The following RASAL2 variants were observed in gnomAD, a reference collection of about 807,000 sequenced individuals.
RASAL2 encodes the protein RAS protein activator like 2.
RASAL2 carries 58 observed loss-of-function variants against 128.9 expected under a neutral mutation model. The observed-to-expected ratio is 0.45, with a 90% CI of 0.36 to 0.56. RASAL2 has a LOEUF of 0.56. Ranked by LOEUF, RASAL2 falls within the 20% of genes least tolerant of loss-of-function variation. The pLI, the probability that RASAL2 is intolerant of heterozygous loss-of-function variation, is 0.00. For synonymous variants in RASAL2, 561 were observed against 580.8 expected (o/e 0.97, Z 0.49); for missense variants, 1,360 against 1,601.6 (o/e 0.85, Z 2.57).
At chr1:178,132,775 T>C (rs1660167482) in intron 1 of RASAL2, among the ~76,000 whole-genome samples, 1 of 150,708 alleles carries the variant, frequency 6.6e-6, no homozygotes, top group East Asian at 1.9e-4. Flanking sequence ...AATTTTTTTT[T>C]TTTTTTTTTT....
chr1:178,354,816 A>G (rs1301269865), intron 3 of RASAL2, among the ~76,000 whole-genome samples: 12 of 152,250 alleles, frequency 7.9e-5, no homozygotes, highest in Admixed American at 7.8e-4. Context: ...AGAATAATCT[A>G]AAGTAGATAT....
chr1:178,116,711 G>A (rs113325505), intron 1 of RASAL2, among the ~76,000 whole-genome samples: 1 of 152,094 alleles, frequency 6.6e-6, no homozygotes, highest in Non-Finnish European at 1.5e-5. Context: ...CTGCGTTCAC[G>A]CCATTCTCCT....
Position 178,110,599 on chromosome 1 carries a change from C to T in RASAL2, c.202+15905C>T, listed in dbSNP as rs1234154157. Among the ~76,000 whole-genome samples, 6 of 141,160 alleles carry T rather than the reference C, an allele frequency of 4.3e-5. No individual in the cohort carries two copies. In the South Asian group the frequency reaches 1.1e-3, roughly 26 times the overall value. The allele number at this position is 141,160 out of a possible 152,430, so 92.6% of individuals were successfully genotyped here. A position where few individuals can be genotyped will look rare whatever the true frequency, so the allele number is the denominator to read the frequency against. ...ATGTAGTATATATATGCTATATATA[C>T]TGTATATATACACTATATACACTAT... On this transcript the variant is annotated intron_variant, in intron 1 of 17. Coordinates refer to ENST00000367649, the MANE Select transcript of RASAL2 (RefSeq NM_170692.4).
At position 178,337,237 on chromosome 1, in the gene RASAL2, T is replaced by C. The variant is rs76484260; in HGVS notation, c.457+37119T>C. ...ACACTTGTAAGTACTTTGCTAACCATATGAATTAACAAGTCTTCTGATCTT... is the reference window on the plus strand; with the variant it reads ...ACACTTGTAAGTACTTTGCTAACCACATGAATTAACAAGTCTTCTGATCTT... On this transcript the variant is annotated intron_variant, in intron 3 of 17. Transcript: ENST00000367649. Among the ~76,000 whole-genome samples the C allele has an allele frequency of 1.3e-3, 201 of 152,346 alleles. 1 individual carries two copies. The highest frequency in any genetic ancestry group is 2.3e-3 in the South Asian group (11 of 4,832).
intron 4 of RASAL2, among the ~76,000 whole-genome samples, chr1:178,418,824 G>A (rs544532462): frequency 6.6e-6 from 1 of 152,270 alleles, no homozygotes; most frequent in African/African-American, 2.4e-5. Flanking sequence ...GACCAGAAGT[G>A]ATATGAAGCT....
chr1:178,389,996 A>T, intron 3 of RASAL2, 104 bp from the exon 4 acceptor site: 1 of 719,896 alleles, frequency 1.4e-6, no homozygotes, highest in Non-Finnish European at 2.4e-6. Flanking sequence ...ATATACCTTT[A>T]AAGCATGCTG....
At chr1:178,208,061 T>A (rs1663118382) in intron 1 of RASAL2, among the ~76,000 whole-genome samples, 1 of 152,244 alleles carries the variant, frequency 6.6e-6, no homozygotes, top group Admixed American at 6.5e-5. Flanking sequence ...CTTCATAAGC[T>A]GAGGATGTAC....
chr1:178,252,090 A>G (rs519464), intron 1 of RASAL2, among the ~76,000 whole-genome samples: 91,156 of 151,954 alleles, frequency 0.6, 31,419 homozygotes, highest in East Asian at 0.8. Context: ...CTGAAAATTT[A>G]TGTGGGGGTG....
At chr1:178,441,714 T>C (rs1403549975) in intron 7 of RASAL2, 67 bp downstream of exon 7, 6 of 1,252,040 alleles carry the variant, frequency 4.8e-6, no homozygotes, top group Non-Finnish European at 6.9e-6. Flanking sequence ...AGAAGGTAAG[T>C]GTGGTAGTAA....
chr1:178,233,832 A>G (rs527501585), intron 1 of RASAL2, among the ~76,000 whole-genome samples: 3 of 152,210 alleles, frequency 2.0e-5, no homozygotes, highest in Non-Finnish European at 4.4e-5. Flanking sequence ...TGGCTTCTCC[A>G]GGATGCTGAA....
In RASAL2 at chr1:178,474,548, A is replaced by G. The variant is rs1648539994; in HGVS notation, c.*1309A>G. ...GACCCAATTTCAACACTTGTCATCCATAGCCTTATTATTATAGAACAGAAA... is the reference window on the plus strand; with the variant it reads ...GACCCAATTTCAACACTTGTCATCCGTAGCCTTATTATTATAGAACAGAAA... On this transcript the variant is annotated 3_prime_UTR_variant, in exon 18 of 18. Transcript: ENST00000367649. The G allele has an allele frequency of 6.6e-6, 1 of 152,194 alleles. No individual in the cohort carries two copies. Among genetic ancestry groups the G allele is most frequent in the Non-Finnish European group, 1.5e-5 (1 of 68,038 alleles). 9.4% of individuals were successfully genotyped at this position (152,194 alleles called of 1,614,324 possible). A position where few individuals can be genotyped will look rare whatever the true frequency, so the allele number is the denominator to read the frequency against.
chr1:178,236,320 T>TCC (rs1197002495), intron 1 of RASAL2, among the ~76,000 whole-genome samples: 1 of 152,188 alleles, frequency 6.6e-6, no homozygotes, highest in Non-Finnish European at 1.5e-5. Context: ...CTCGTAGAGG[T>TCC]ATGATACTGT....
intron 3 of RASAL2, among the ~76,000 whole-genome samples, chr1:178,389,028 T>G (rs531625708): frequency 6.6e-6 from 1 of 152,268 alleles, no homozygotes; most frequent in Admixed American, 6.5e-5. Context: ...ACGCTCTCTC[T>G]TAAGTGGAAG....
At position 178,273,105 on chromosome 1, in the gene RASAL2, A is replaced by G. The variant is rs527680520; in HGVS notation, c.203-10459A>G. Reference sequence around the variant, plus strand: ...ATAGACTTATTGTCCTGTATCAGCTATGTTCCCAATAGGATTGTATTTCAT... The same window carrying G: ...ATAGACTTATTGTCCTGTATCAGCTGTGTTCCCAATAGGATTGTATTTCAT... On this transcript the variant is annotated intron_variant, in intron 1 of 17. Coordinates refer to ENST00000367649, the MANE Select transcript of RASAL2 (RefSeq NM_170692.4). Among the ~76,000 whole-genome samples the G allele has an allele frequency of 3.9e-5, 6 of 152,338 alleles. No individual in the cohort carries two copies. The South Asian group carries it at 6.2e-4, about 16-fold the overall frequency.
chr1:178,346,753 G>A (rs1260115612), intron 3 of RASAL2, among the ~76,000 whole-genome samples: 1 of 152,140 alleles, frequency 6.6e-6, no homozygotes, highest in East Asian at 1.9e-4. Flanking sequence ...AAATGGTATA[G>A]ACCATTTTTA....
Position 178,233,211 on chromosome 1 carries a change from A to G in RASAL2, c.203-50353A>G, listed in dbSNP as rs896439268. ...GTCAAATGTTTTGGACTGCACAGAC[A>G]TGTGTGGTTCAACTGCAAAGACTGC... On this transcript the variant is annotated intron_variant, in intron 1 of 17. Transcript: ENST00000367649. Among the ~76,000 whole-genome samples the G allele has an allele frequency of 1.4e-4, 21 of 152,096 alleles. 1 individual carries two copies. Among genetic ancestry groups the G allele is most frequent in the Admixed American group, 6.5e-5 (1 of 15,274 alleles).
intron 1 of RASAL2, among the ~76,000 whole-genome samples, chr1:178,114,148 A>G (rs1322579902): frequency 6.6e-6 from 1 of 151,898 alleles, no homozygotes. Context: ...AAGATAGATT[A>G]CTTCTTTTTG....
chr1:178,300,199 C>T, intron 3 of RASAL2, 81 bp downstream of exon 3: 1 of 1,411,148 alleles, frequency 7.1e-7, no homozygotes, highest in Non-Finnish European at 9.6e-7. Flanking sequence ...AACAGAACAT[C>T]CTGCATTTCC....
At chr1:178,132,463 C>G (rs1388361687) in intron 1 of RASAL2, among the ~76,000 whole-genome samples, 1 of 151,954 alleles carries the variant, frequency 6.6e-6, no homozygotes, top group Non-Finnish European at 1.5e-5. Flanking sequence ...TATAAGCAAG[C>G]TTTTATGTTT....
Sources: gnomAD v4.1 joint callset for allele counts (sites outside exome capture counted in the v4.1 genomes callset) on GRCh38, gnomAD v4.1.1 for gene constraint, MANE v1.5 for transcripts, NCBI Gene and HGNC (gene_info 2026-07-23, HGNC 2026-07-21) for gene names.